The following ALCAM variants were observed in gnomAD, a reference collection of about 807,000 sequenced individuals.
The protein encoded by ALCAM is activated leukocyte cell adhesion molecule.
Under a neutral mutation model 70.9 loss-of-function variants are expected in ALCAM, and 30 were observed. The ratio of observed to expected loss-of-function variants is 0.42; its 90% CI spans 0.32 to 0.57. The LOEUF is 0.57. Ranked by LOEUF, ALCAM falls within the 20% of genes least tolerant of loss-of-function variation. The probability of loss-of-function intolerance (pLI) is 0.11; values close to 1 mark genes in which losing one functional copy is unlikely to be tolerated. For synonymous variants in ALCAM, 249 were observed against 242.5 expected (o/e 1.03, Z -0.25); for missense variants, 591 against 695.1 (o/e 0.85, Z 1.68).
In ALCAM at chr3:105,524,425, G is replaced by A. The variant is rs761587401; in HGVS notation, c.311G>A (p.Arg104Lys). The A allele has an allele frequency of 3.7e-6, 6 of 1,614,124 alleles. No homozygotes were observed. Among genetic ancestry groups the A allele is most frequent in the Non-Finnish European group, 5.1e-6 (6 of 1,180,008 alleles). ...ENYTLSISNARISDEKRFVCM... is the reference protein window; with the variant it reads ...ENYTLSISNAKISDEKRFVCM... ...TACACTTTGTCTATCAGTAATGCAA[G>A]GATCAGTGATGAAAAGAGATTTGTG... The change falls in exon 3 of 16, where the codon AGG becomes AAG. Residue 104 changes from arginine to lysine, a missense_variant. Arg to Lys is a conservative substitution (Grantham distance 26). Coordinates refer to ENST00000306107, the MANE Select transcript of ALCAM (RefSeq NM_001627.4).
At chr3:105,421,259 T>A (rs1234201648) in intron 1 of ALCAM, among the ~76,000 whole-genome samples, 3 of 151,382 alleles carry the variant, frequency 2.0e-5, no homozygotes, top group African/African-American at 7.3e-5. Context: ...CTGATTGAAT[T>A]AAATATAAGA....
intron 14 of ALCAM, among the ~76,000 whole-genome samples, chr3:105,561,941 G>C (rs1339408548): frequency 6.6e-6 from 1 of 152,154 alleles, no homozygotes; most frequent in Non-Finnish European, 1.5e-5. Flanking sequence ...CCAAACTTTA[G>C]TGTCTACAGT....
At chr3:105,480,902 T>C (rs1312571188) in intron 1 of ALCAM, among the ~76,000 whole-genome samples, 4 of 152,152 alleles carry the variant, frequency 2.6e-5, no homozygotes, top group Non-Finnish European at 5.9e-5. Flanking sequence ...TTCTTTCCTT[T>C]GTTTCCACTC....
chr3:105,392,170 T>C (rs543144650), intron 1 of ALCAM, among the ~76,000 whole-genome samples: 1 of 152,160 alleles, frequency 6.6e-6, no homozygotes, highest in South Asian at 2.1e-4. Context: ...GTACCTTCAG[T>C]AGAATTCAGC....
chr3:105,511,207 G>A (rs1219070508), intron 1 of ALCAM, among the ~76,000 whole-genome samples: 1 of 151,938 alleles, frequency 6.6e-6, no homozygotes, highest in African/African-American at 2.4e-5. Context: ...TTACCCCACT[G>A]GGCTACCATT....
chr3:105,510,032 G>A (rs899680840), intron 1 of ALCAM, among the ~76,000 whole-genome samples: 3 of 151,962 alleles, frequency 2.0e-5, no homozygotes, highest in African/African-American at 7.2e-5. Flanking sequence ...GTTATGATCT[G>A]CCTAATTTCC....
intron 1 of ALCAM, among the ~76,000 whole-genome samples, chr3:105,516,052 T>C (rs1227829171): frequency 1.3e-5 from 2 of 152,006 alleles, no homozygotes; most frequent in Non-Finnish European, 2.9e-5. Flanking sequence ...ATGATGATGC[T>C]ATTAATGTAT....
chr3:105,457,564 A>AT (rs959328103), intron 1 of ALCAM, among the ~76,000 whole-genome samples: 18 of 151,654 alleles, frequency 1.2e-4, no homozygotes, highest in African/African-American at 3.1e-4. Context: ...AAAAAAAAAA[A>AT]TTTTTTTTTA....
intron 15 of ALCAM, 35 bp downstream of exon 15, chr3:105,571,999 C>G: frequency 8.2e-7 from 1 of 1,220,432 alleles, no homozygotes; most frequent in Non-Finnish European, 1.2e-6. Context: ...AGAAATAATT[C>G]CCTAGCAAGT....
chr3:105,564,312 T>C (rs1940697519), intron 14 of ALCAM, among the ~76,000 whole-genome samples: 1 of 150,806 alleles, frequency 6.6e-6, no homozygotes. Context: ...TTTGTGCCAT[T>C]GTTGTTATTT....
intron 1 of ALCAM, among the ~76,000 whole-genome samples, chr3:105,381,937 T>A (rs1379144551): frequency 6.6e-6 from 1 of 151,544 alleles, no homozygotes; most frequent in African/African-American, 2.4e-5. Flanking sequence ...TTATTTTTTC[T>A]TTTTTATTAT....
At chr3:105,371,302 T>C (rs968079377) in intron 1 of ALCAM, among the ~76,000 whole-genome samples, 1 of 152,170 alleles carries the variant, frequency 6.6e-6, no homozygotes, top group African/African-American at 2.4e-5. Context: ...TTTTCTGCTC[T>C]TTTTTATTTC....
At chr3:105,568,033 T>C (rs907028362) in intron 14 of ALCAM, among the ~76,000 whole-genome samples, 6 of 147,922 alleles carry the variant, frequency 4.1e-5, no homozygotes, top group African/African-American at 1.5e-4. Context: ...GTTCTTTTAT[T>C]TTATTTTTTT....
chr3:105,385,025 A>C (rs1935614476), intron 1 of ALCAM, among the ~76,000 whole-genome samples: 2 of 151,556 alleles, frequency 1.3e-5, no homozygotes, highest in Admixed American at 1.3e-4. Flanking sequence ...AATCTTTTCT[A>C]TTACTTGAAA....
In ALCAM at chr3:105,534,668, G is replaced by C. The variant is rs371943794; in HGVS notation, c.553G>C (p.Val185Leu). The change falls in exon 6 of 16, where the codon GTC (valine) becomes CTC (leucine). Residue 185 changes from valine to leucine, a missense_variant. Val to Leu is a conservative substitution (Grantham distance 32). Around this residue, in one of 2 missense-constraint regions of ALCAM, gnomAD observed 427 missense variants for 450.4 expected, o/e 0.95. Coordinates refer to ENST00000306107, the MANE Select transcript of ALCAM (RefSeq NM_001627.4). Reference sequence around the variant, plus strand: ...GTGTTCTTTATTTTCTTCAGCGGTGGTCATAATTTTTAAAAAGGAAATGGA... The same window carrying C: ...GTGTTCTTTATTTTCTTCAGCGGTGCTCATAATTTTTAAAAAGGAAATGGA... Reference protein sequence around the residue: ...KVLHPLEGAVVIIFKKEMDPV... With the variant: ...KVLHPLEGAVLIIFKKEMDPV... 3 of 1,613,326 alleles carry C rather than the reference G, an allele frequency of 1.9e-6. No individual in the cohort carries two copies. In the African/African-American group the frequency reaches 4.0e-5, roughly 22 times the overall value.
intron 1 of ALCAM, among the ~76,000 whole-genome samples, chr3:105,416,223 G>A (rs557228854): frequency 6.6e-6 from 1 of 152,020 alleles, no homozygotes; most frequent in Non-Finnish European, 1.5e-5. Context: ...TCATTAGGAT[G>A]TCTCTGTAAG....
chr3:105,389,933 T>C (rs999239554), intron 1 of ALCAM, among the ~76,000 whole-genome samples: 1 of 152,000 alleles, frequency 6.6e-6, no homozygotes, highest in African/African-American at 2.4e-5. Flanking sequence ...TTTTTATGGC[T>C]GCATAGTATT....
chr3:105,477,793 T>G (rs1938161516), intron 1 of ALCAM, among the ~76,000 whole-genome samples: 1 of 152,122 alleles, frequency 6.6e-6, no homozygotes, highest in Admixed American at 6.6e-5. Context: ...TTTTTATATG[T>G]AATATGTTTT....
intron 1 of ALCAM, among the ~76,000 whole-genome samples, chr3:105,479,193 G>A (rs1938201938): frequency 6.6e-6 from 1 of 152,088 alleles, no homozygotes; most frequent in East Asian, 1.9e-4. Flanking sequence ...AACAAAATTA[G>A]AAAACATTTC....
Sources: allele counts gnomAD v4.1 joint callset (sites outside exome capture counted in the v4.1 genomes callset), GRCh38; gene constraint gnomAD v4.1.1; regional missense constraint gnomAD v4.1.1; transcripts MANE v1.5; gene names NCBI Gene and HGNC (gene_info 2026-07-23, HGNC 2026-07-21).